Variants in DLG3 observed in about 807,000 individuals in gnomAD.
The protein encoded by DLG3 is discs large MAGUK scaffold protein 3.
Under a neutral mutation model 64.1 loss-of-function variants are expected in DLG3, and 1 was observed. The ratio of observed to expected loss-of-function variants is 0.02; its 90% CI spans 0.01 to 0.07. The LOEUF (loss-of-function observed/expected upper bound fraction) is 0.07, where lower values mean the gene tolerates loss of function less well. DLG3 is among the 10% of genes least tolerant of loss of function. The pLI is 1.00. For synonymous variants in DLG3, 245 were observed against 259.8 expected, an observed-to-expected ratio of 0.94 and a Z score of 0.55; for missense variants, 429 against 669.5, an observed-to-expected ratio of 0.64 and a Z score of 3.96.
chrX:70,452,791 A>G, intron 7 of DLG3: 1 of 1,115,850 alleles, frequency 9.0e-7, no homozygotes, highest in South Asian at 2.3e-5. Context: ...AGCATCCGGG[A>G]CTCAGGGAGG....
At chrX:70,498,718 C>T (rs1602988429) in intron 14 of DLG3, 148 bp downstream of exon 14, 1 of 559,905 alleles carries the variant, frequency 1.8e-6, no homozygotes, top group Non-Finnish European at 3.1e-6. Flanking sequence ...TCCTTCTTCT[C>T]TATGCTTCTT....
At position 70,502,621 on chromosome X, in the gene DLG3, C is replaced by G; in HGVS notation, c.*352C>G. On this transcript the variant is annotated 3_prime_UTR_variant, in exon 19 of 19. Transcript: ENST00000374360. The stretch of plus-strand genomic sequence containing the variant: ...AGAGGAGGACTGATGGAAAGACAGA[C>G]TCTGGACAGCTGCACGGCTTGTGAA... 4.6e-6 allele frequency: 1 copy of G among 217,357 alleles called. No homozygotes were observed. Among genetic ancestry groups the G allele is most frequent in the East Asian group, 1.2e-4 (1 of 8,349 alleles). The allele number at this position is 217,357 out of a possible 1,213,427, so 17.9% of individuals were successfully genotyped here.
Position 70,497,514 on chromosome X carries a change from T to C in DLG3, c.1820-1006T>C, listed in dbSNP as rs1344708068. On this transcript the variant is annotated intron_variant, in intron 13 of 18. Coordinates refer to ENST00000374360, the MANE Select transcript of DLG3 (RefSeq NM_021120.4). ...AAGAGTAAATCCCTGCCATGGGTACTGTGGGCCATAGGTGCTGCCAGGTTT... is the reference window on the plus strand; with the variant it reads ...AAGAGTAAATCCCTGCCATGGGTACCGTGGGCCATAGGTGCTGCCAGGTTT... Among the ~76,000 whole-genome samples, 14 of 112,502 alleles carry C rather than the reference T, an allele frequency of 1.2e-4. 1 individual carries two copies. The Admixed American group carries it at 1.3e-3, about 11-fold the overall frequency.
intron 5 of DLG3, 69 bp from the exon 6 acceptor site, chrX:70,450,570 C>A: frequency 8.6e-7 from 1 of 1,162,781 alleles, no homozygotes; most frequent in Non-Finnish European, 1.2e-6. Context: ...ACTGAAAAGG[C>A]ATCCCTCGAG....
At position 70,503,396 on chromosome X, in the gene DLG3, A is replaced by C. The variant is rs1311871961; in HGVS notation, c.*1127A>C. The C allele has an allele frequency of 1.8e-5, 2 of 112,040 alleles. No homozygotes were observed. Among genetic ancestry groups the C allele is most frequent in the African/African-American group, 6.5e-5 (2 of 30,717 alleles). The allele number at this position is 112,040 out of a possible 1,213,427, so 9.2% of individuals were successfully genotyped here. A position where few individuals can be genotyped will look rare whatever the true frequency, so the allele number is the denominator to read the frequency against. On this transcript the variant is annotated 3_prime_UTR_variant, in exon 19 of 19. Transcript: ENST00000374360. ...CTGAAGGAGCCAGGCCTTGTGATGG[A>C]GTAGGTGACACAGGCCTGGTTGTCC...
At chrX:70,459,520 A>C (rs769020376) in intron 9 of DLG3, among the ~76,000 whole-genome samples, 1 of 112,339 alleles carries the variant, frequency 8.9e-6, no homozygotes, top group Non-Finnish European at 1.9e-5. Flanking sequence ...AAGTTCTGAA[A>C]TTCCCGTTGT....
At position 70,483,735 on chromosome X, in the gene DLG3, C is replaced by G. The variant is rs188472655; in HGVS notation, c.1520+4471C>G. On this transcript the variant is annotated intron_variant, in intron 10 of 18. Coordinates refer to ENST00000374360, the MANE Select transcript of DLG3 (RefSeq NM_021120.4). ...AGCAGGGAGCAGGAGGAAGAAGGAA[C>G]GAGAGCAGTATTTGGAGAATGAAAT... 4.4e-5 allele frequency among the ~76,000 whole-genome samples: 5 copies of G among 112,445 alleles called. No individual in the cohort carries two copies. In the East Asian group the frequency reaches 1.4e-3, roughly 31 times the overall value.
chrX:70,500,864 T>C, intron 17 of DLG3, 34 bp from the exon 18 acceptor site: 6 of 1,115,609 alleles, frequency 5.4e-6, no homozygotes, highest in Non-Finnish European at 7.3e-6. Flanking sequence ...ACATAAGATC[T>C]GGTTCAGAAC....
At chrX:70,466,874 G>T (rs763118488) in intron 9 of DLG3, among the ~76,000 whole-genome samples, 1 of 111,835 alleles carries the variant, frequency 8.9e-6, no homozygotes, top group South Asian at 3.8e-4. Context: ...AATAAATACT[G>T]TCCGAGTTTT....
Position 70,502,294 on chromosome X carries a change from G to T in DLG3, c.*25G>T, listed in dbSNP as rs1444936661. The T allele has an allele frequency of 1.9e-6, 2 of 1,068,427 alleles. No individual in the cohort carries two copies. Among genetic ancestry groups the T allele is most frequent in the Admixed American group, 2.2e-5 (1 of 45,104 alleles). 88.1% of individuals were successfully genotyped at this position (1,068,427 alleles called of 1,213,427 possible). A position where few individuals can be genotyped will look rare whatever the true frequency, so the allele number is the denominator to read the frequency against. On this transcript the variant is annotated 3_prime_UTR_variant, in exon 19 of 19. Coordinates refer to ENST00000374360, the MANE Select transcript of DLG3 (RefSeq NM_021120.4). ...AAGAATCCCCTCCAACCATTCTCTT[G>T]TGAACAGAAGAAATCAAGTCCCTCT...
In DLG3 at chrX:70,505,327, T is replaced by C. The variant is rs1336628321; in HGVS notation, c.*3058T>C. The C allele has an allele frequency of 8.9e-6, 1 of 111,973 alleles. No homozygotes were observed. The highest frequency in any genetic ancestry group is 9.5e-5 in the Admixed American group (1 of 10,577). The allele number at this position is 111,973 out of a possible 1,213,427, so 9.2% of individuals were successfully genotyped here. On this transcript the variant is annotated 3_prime_UTR_variant, in exon 19 of 19. Coordinates refer to ENST00000374360, the MANE Select transcript of DLG3 (RefSeq NM_021120.4). ...CACCCTTAACACTGCCGTGCTGTGC[T>C]GTGCCGTGTCCTGAAGGAGGAGAGA... is the stretch of plus-strand genomic sequence containing the variant.
At chrX:70,458,352 T>C (rs2086750425) in intron 9 of DLG3, among the ~76,000 whole-genome samples, 1 of 112,509 alleles carries the variant, frequency 8.9e-6, no homozygotes, top group African/African-American at 3.2e-5. Context: ...GTGCAAGCAT[T>C]AGAAAGATGA....
intron 9 of DLG3, among the ~76,000 whole-genome samples, chrX:70,459,380 G>A (rs2086766375): frequency 8.9e-6 from 1 of 112,350 alleles, no homozygotes; most frequent in East Asian, 2.8e-4. Flanking sequence ...AGCATAAAAG[G>A]GATATTTTCC....
In DLG3 at chrX:70,444,920, C is replaced by G. The variant is rs2086549560; in HGVS notation, c.-282C>G. 5.0e-6 allele frequency: 1 copy of G among 198,302 alleles called. No individual in the cohort carries two copies. The highest frequency in any genetic ancestry group is 1.0e-4 in the East Asian group (1 of 9,984). The allele number at this position is 198,302 out of a possible 1,213,427, so 16.3% of individuals were successfully genotyped here. A position where few individuals can be genotyped will look rare whatever the true frequency, so the allele number is the denominator to read the frequency against. On this transcript the variant is annotated 5_prime_UTR_variant, in exon 1 of 19. Transcript: ENST00000374360. The stretch of plus-strand genomic sequence containing the variant: ...TGCTTGAGCTCCCGCTTCTTCTTTG[C>G]CGCTGGGCCTCGGCCCAGAAGCCAC...
At chrX:70,500,352 C>G (rs773449225) in intron 16 of DLG3, 119 bp from the exon 17 acceptor site, 5 of 610,688 alleles carry the variant, frequency 8.2e-6, no homozygotes, top group Non-Finnish European at 1.4e-5. Context: ...GGGTGGCCCT[C>G]GTGCCCCTCC....
At chrX:70,495,207 A>G (rs953458445) in intron 12 of DLG3, among the ~76,000 whole-genome samples, 1 of 111,500 alleles carries the variant, frequency 9.0e-6, no homozygotes, top group Non-Finnish European at 1.9e-5. Flanking sequence ...TGGCCTCACT[A>G]TAGTGCTAGG....
rs984580660 is a variant in DLG3, at chrX:70,449,752, C to T, written c.596C>T (p.Ala199Val). 1.7e-6 allele frequency: 2 copies of T among 1,209,815 alleles called. No individual in the cohort carries two copies. Among genetic ancestry groups the T allele is most frequent in the Non-Finnish European group, 1.1e-6 (1 of 894,886 alleles). ...GTGTCGGAGGTGGTACACAGCCGGG[C>T]GGTGGAGGCGCTGAAGGAGGCAGGC... ...VDVSEVVHSR[A>V]VEALKEAGPV... is the part of the protein sequence containing the mutation. The change falls in exon 4 of 19, where the codon GCG becomes GTG. Residue 199 changes from alanine (A) to valine (V), a missense_variant. Physicochemically the swap from Ala to Val is moderately conservative, Grantham distance 64 (BLOSUM62 0). Around this residue, in one of 9 missense-constraint regions of DLG3, gnomAD observed 73 missense variants for 158.5 expected, o/e 0.46. Transcript: ENST00000374360.
chrX:70,502,036 T>TG (rs1341604238), intron 18 of DLG3, 127 bp from the exon 19 acceptor site: 1 of 531,380 alleles, frequency 1.9e-6, no homozygotes, highest in African/African-American at 2.3e-5. Context: ...CCTGGGAACA[T>TG]GTCCTTCATG....
chrX:70,449,088 G>A (rs951541625), intron 2 of DLG3, 125 bp downstream of exon 2: 8 of 790,921 alleles, frequency 1.0e-5, no homozygotes, highest in South Asian at 9.0e-5. Context: ...GTGAAACAGC[G>A]GCCCTCAGAG....
Sources: gnomAD v4.1 joint callset for allele counts (sites outside exome capture counted in the v4.1 genomes callset) on GRCh38, gnomAD v4.1.1 for gene constraint, gnomAD v4.1.1 regional missense constraint, MANE v1.5 for transcripts, NCBI Gene and HGNC (gene_info 2026-07-23, HGNC 2026-07-21) for gene names.